Variants in SRP72 observed in about 807,000 individuals in gnomAD.
SRP72 encodes the protein signal recognition particle subunit SRP72.
In SRP72, 49 loss-of-function variants were observed where a neutral mutation model predicts 96.3. The ratio of observed to expected loss-of-function variants is 0.51; its 90% CI spans 0.40 to 0.65. SRP72 has a LOEUF of 0.65. SRP72 is among the 30% of genes least tolerant of loss of function. SRP72 has a pLI of 0.00. For synonymous variants in SRP72, 267 were observed against 275.2 expected (o/e 0.97, Z 0.30); for missense variants, 736 against 793.3 (o/e 0.93, Z 0.87).
chr4:56,477,346 C>T (rs140741939), intron 6 of SRP72, among the ~76,000 whole-genome samples: 1,626 of 137,270 alleles, frequency 0.012, 43 homozygotes, highest in African/African-American at 0.042. Context: ...GCTGTTTCAC[C>T]CAGGCTGGAT....
rs1027583156 is a variant in SRP72 at position 56,467,670 on chromosome 4, C to G, written c.35C>G (p.Pro12Arg). 3 of 1,564,890 alleles carry G rather than the reference C, an allele frequency of 1.9e-6. No homozygotes were observed. Among genetic ancestry groups the G allele is most frequent in the Non-Finnish European group, 2.6e-6 (3 of 1,157,704 alleles). The part of the protein sequence containing the change: ...ASGGSGGVSV[P>R]ALWSEVNRYG... The stretch of plus-strand genomic sequence containing the variant: ...GGCGGCAGCGGGGGGGTGTCAGTAC[C>G]TGCGCTGTGGAGTGAAGTGAACCGG... The change falls in exon 1 of 19, where the codon CCT becomes CGT. Residue 12 changes from proline to arginine, a missense_variant. Around this residue, in one of 3 missense-constraint regions of SRP72, gnomAD observed 329 missense variants for 319.0 expected, o/e 1.03. Coordinates refer to ENST00000642900, the MANE Select transcript of SRP72 (RefSeq NM_006947.4).
chr4:56,481,286 GCA>G (rs918085311), intron 8 of SRP72, among the ~76,000 whole-genome samples: 1 of 152,084 alleles, frequency 6.6e-6, no homozygotes, highest in African/African-American at 2.4e-5. Flanking sequence ...GTTTAAAAAA[GCA>G]CAGTGGTATC....
intron 16 of SRP72, among the ~76,000 whole-genome samples, chr4:56,494,407 CT>C (rs56291298): frequency 0.35 from 48,560 of 137,702 alleles, 7,719 homozygotes; most frequent in Middle Eastern, 0.43. Context: ...TTTCAGAATG[CT>C]TTTTTTTTTT....
intron 5 of SRP72, chr4:56,476,356 ATTGT>A (rs1385921072): frequency 2.3e-5 from 8 of 345,130 alleles, no homozygotes; most frequent in South Asian, 4.1e-5. Flanking sequence ...GGGTGGTAGG[ATTGT>A]TTATTTTTAT....
At chr4:56,491,725 T>G in intron 16 of SRP72, 157 bp downstream of exon 16, 1 of 637,250 alleles carries the variant, frequency 1.6e-6, no homozygotes, top group Non-Finnish European at 2.5e-6. Context: ...CCTTATTTCC[T>G]TCCCTTTTCC....
At chr4:56,473,905 T>TA in intron 3 of SRP72, 149 bp from the exon 4 acceptor site, 1 of 695,726 alleles carries the variant, frequency 1.4e-6, no homozygotes, top group South Asian at 2.5e-5. Flanking sequence ...TACATGGAAC[T>TA]ATTTAAAAAT....
chr4:56,492,004 A>C (rs1435263743), intron 16 of SRP72, among the ~76,000 whole-genome samples: 4 of 152,164 alleles, frequency 2.6e-5, no homozygotes, highest in South Asian at 4.1e-4. Context: ...ACTACAGGCT[A>C]ATTTTTGTGC....
rs1274980989 is a variant in SRP72 at position 56,486,328 on chromosome 4, T to C, written c.1090T>C (p.Phe364Leu). 1 of 1,601,138 alleles carries C rather than the reference T, an allele frequency of 6.2e-7. No homozygotes were observed. The change falls in exon 11 of 19, where the codon TTT becomes CTT. Residue 364 changes from phenylalanine to leucine, a missense_variant. By Grantham distance (22) the Phe-to-Leu change is conservative. This residue lies in a region of SRP72 where 388 missense variants were observed against 431.8 expected (regional missense o/e 0.90). Coordinates refer to ENST00000642900, the MANE Select transcript of SRP72 (RefSeq NM_006947.4). Reference protein sequence around the residue: ...HTKAIELLQEFSDQHPENAAE... With the variant: ...HTKAIELLQELSDQHPENAAE... ...CCCCCAAACTAAAAAAATTTAGGAA[T>C]TTTCAGATCAGCATCCAGAAAATGC...
intron 17 of SRP72, among the ~76,000 whole-genome samples, chr4:56,497,571 T>C (rs1449898067): frequency 6.6e-6 from 1 of 152,160 alleles, no homozygotes; most frequent in Non-Finnish European, 1.5e-5. Flanking sequence ...GGGCATATTA[T>C]AATGTAATCA....
chr4:56,474,420 A>G (rs1720123542), intron 5 of SRP72, 29 bp downstream of exon 5: 1 of 1,581,442 alleles, frequency 6.3e-7, no homozygotes, highest in African/African-American at 1.4e-5. Context: ...TTATCTGTAA[A>G]TATAACGTGC....
Position 56,478,271 on chromosome 4 carries a change from G to A in SRP72, c.643-108G>A, listed in dbSNP as rs1249800919. On this transcript the variant is annotated intron_variant, in intron 6 of 18. Transcript: ENST00000642900. ...GAACTGACTCTAAGGGAAAATTTCT[G>A]AAATTATGTGTCTTCAGGATTGTAT... 27 of 1,119,902 alleles carry A rather than the reference G, an allele frequency of 2.4e-5. No homozygotes were observed. The East Asian group carries it at 8.1e-4, about 33-fold the overall frequency. 69.4% of individuals were successfully genotyped at this position (1,119,902 alleles called of 1,614,324 possible). A position where few individuals can be genotyped will look rare whatever the true frequency, so the allele number is the denominator to read the frequency against.
In SRP72 at chr4:56,475,899, A is replaced by G. The variant is rs560270744; in HGVS notation, c.611-772A>G. On this transcript the variant is annotated intron_variant, in intron 5 of 18. Coordinates refer to ENST00000642900, the MANE Select transcript of SRP72 (RefSeq NM_006947.4). ...TGAAGGAATATTCATAAGAACAGAA[A>G]TTTAGAAACAGCATAAAGTTCTGTA... 3.9e-5 allele frequency: 6 copies of G among 152,360 alleles called. No individual in the cohort carries two copies. In the South Asian group the frequency reaches 6.2e-4, roughly 16 times the overall value. The allele number at this position is 152,360 out of a possible 1,614,324, so 9.4% of individuals were successfully genotyped here. A position where few individuals can be genotyped will look rare whatever the true frequency, so the allele number is the denominator to read the frequency against.
rs1487021292 is a variant in SRP72, at chr4:56,490,595, G to A, written c.1452G>A (p.Leu484=). The A allele has an allele frequency of 6.2e-7, 1 of 1,613,730 alleles. No homozygotes were observed. Among genetic ancestry groups the A allele is most frequent in the Non-Finnish European group, 8.5e-7 (1 of 1,179,918 alleles). ...AAAATCCAAAAGATATTCACACCCT[G>A]GCACAGCTTATTTCTGCTTACTCAC... ...WKQNPKDIHT[L]AQLISAYSLV... The change falls in exon 15 of 19, where the codon CTG becomes CTA. Residue 484 remains leucine (L), a synonymous_variant. Coordinates refer to ENST00000642900, the MANE Select transcript of SRP72 (RefSeq NM_006947.4).
intron 9 of SRP72, among the ~76,000 whole-genome samples, chr4:56,484,190 C>T (rs201855872): frequency 6.6e-6 from 1 of 151,668 alleles, no homozygotes; most frequent in African/African-American, 2.4e-5. Flanking sequence ...CCCAGCACCA[C>T]GCCTGGCTAA....
At position 56,484,773 on chromosome 4, in the gene SRP72, C is replaced by G. The variant is rs1720640475; in HGVS notation, c.995C>G (p.Ser332Cys). 2 of 1,614,008 alleles carry G rather than the reference C, an allele frequency of 1.2e-6. No homozygotes were observed. Among genetic ancestry groups the G allele is most frequent in the Admixed American group, 3.3e-5 (2 of 59,980 alleles). Residue 332 changes from serine (S) to cysteine (C), a missense_variant, in exon 10 of 19, where the codon TCC becomes TGC. Ser to Cys is a moderately radical substitution (Grantham distance 112). Transcript: ENST00000642900. ...CGCAAAATATCTGCCAGTTTACAGT[C>G]CCAAAGTCCCGAGCATCTCTTACCT... Reference protein sequence around the residue: ...QCRKISASLQSQSPEHLLPVL... With the variant: ...QCRKISASLQCQSPEHLLPVL...
intron 5 of SRP72, among the ~76,000 whole-genome samples, chr4:56,475,387 G>A (rs1159073369): frequency 7.3e-6 from 1 of 137,658 alleles, no homozygotes; most frequent in Middle Eastern, 3.4e-3. Flanking sequence ...GTAAGCCTTC[G>A]TTTTTACAAA....
At chr4:56,479,329 G>C (rs1036203725) in intron 8 of SRP72, among the ~76,000 whole-genome samples, 2 of 151,492 alleles carry the variant, frequency 1.3e-5, no homozygotes, top group Non-Finnish European at 2.9e-5. Flanking sequence ...ACAGGCACCC[G>C]CCACCATGCC....
At chr4:56,469,308 C>T (rs561664854) in intron 1 of SRP72, among the ~76,000 whole-genome samples, 2 of 152,272 alleles carry the variant, frequency 1.3e-5, no homozygotes, top group African/African-American at 4.8e-5. Context: ...AAGTAATGAA[C>T]TATGTAGAAT....
At chr4:56,469,265 G>T (rs1018683969) in intron 1 of SRP72, among the ~76,000 whole-genome samples, 1 of 152,164 alleles carries the variant, frequency 6.6e-6, no homozygotes, top group African/African-American at 2.4e-5. Flanking sequence ...TAGGTCATTT[G>T]CTTCCAAATT....
Sources: gnomAD v4.1 joint callset for allele counts (sites outside exome capture counted in the v4.1 genomes callset) on GRCh38, gnomAD v4.1.1 for gene constraint, gnomAD v4.1.1 regional missense constraint, MANE v1.5 for transcripts, NCBI Gene and HGNC (gene_info 2026-07-23, HGNC 2026-07-21) for gene names.